KCNT1: variants seen among roughly 807,000 people sequenced by gnomAD.
KCNT1 encodes the protein potassium sodium-activated channel subfamily T member 1.
A neutral mutation model predicts 147.8 loss-of-function variants in KCNT1; 78 were observed. The observed-to-expected ratio is 0.53, with a 90% CI of 0.44 to 0.64. KCNT1 has a LOEUF of 0.64. KCNT1 is among the 30% of genes least tolerant of loss of function. The pLI, the probability that KCNT1 is intolerant of heterozygous loss-of-function variation, is 0.00. For synonymous variants in KCNT1, 867 were observed against 748.8 expected (o/e 1.16, Z -2.58); for missense variants, 1,419 against 1,750.3 (o/e 0.81, Z 3.38).
rs1397914215 is a variant in KCNT1, at chr9:135,778,753, G to C, written c.2660G>C (p.Ser887Thr). The change falls in exon 23 of 31, where the codon AGC (serine) becomes ACC (threonine). Residue 887 changes from serine (S) to threonine (T), a missense_variant. Physicochemically the swap from Ser to Thr is moderately conservative, Grantham distance 58. Transcript: ENST00000371757. ...ADNLVVVDKE[S>T]TMSAEEDYMA... ...AACCTGGTGGTGGTGGACAAGGAGA[G>C]CACCATGAGCGCCGAGGAGGACTAC... is the stretch of plus-strand genomic sequence containing the variant. The C allele has an allele frequency of 6.2e-7, 1 of 1,613,792 alleles. No individual in the cohort carries two copies. Among genetic ancestry groups the C allele is most frequent in the East Asian group, 2.2e-5 (1 of 44,882 alleles).
chr9:135,776,455 T>C (rs1833178157), intron 20 of KCNT1, among the ~76,000 whole-genome samples: 1 of 152,202 alleles, frequency 6.6e-6, no homozygotes, highest in African/African-American at 2.4e-5. Context: ...TTTGTAGTGA[T>C]GGGGTCTCAC....
In KCNT1 at chr9:135,779,347, T is replaced by C; in HGVS notation, c.2730-12T>C. 6.3e-7 allele frequency: 1 copy of C among 1,586,402 alleles called. No individual in the cohort carries two copies. The highest frequency in any genetic ancestry group is 1.1e-5 in the South Asian group (1 of 90,450). ...ACCATGGGCCCCGCCCTGAGCCGCC[T>C]GCCTCCCCCAGGCTCTTCCCCAGCC... On this transcript the variant is annotated splice_polypyrimidine_tract_variant and intron_variant, in intron 23 of 30. Coordinates refer to ENST00000371757, the MANE Select transcript of KCNT1 (RefSeq NM_020822.3).
intron 2 of KCNT1, among the ~76,000 whole-genome samples, chr9:135,717,784 TG>T (rs1320228221): frequency 2.0e-5 from 3 of 152,208 alleles, no homozygotes; most frequent in Non-Finnish European, 4.4e-5. Context: ...AGCAGCAGCC[TG>T]GGGGCCTCTC....
At chr9:135,784,961 C>A (rs542075506) in intron 27 of KCNT1, 72 bp downstream of exon 27, 23 of 1,553,052 alleles carry the variant, frequency 1.5e-5, no homozygotes, top group South Asian at 7.2e-5. Flanking sequence ...CCCCACCTTC[C>A]GGGGGCTGGG....
chr9:135,748,208 A>G (rs1051259288), intron 2 of KCNT1, among the ~76,000 whole-genome samples: 2 of 152,006 alleles, frequency 1.3e-5, no homozygotes, highest in South Asian at 4.1e-4. Context: ...TCCTGGGATT[A>G]TGGGCACGAG....
At chr9:135,721,074 G>A (rs1230365304) in intron 2 of KCNT1, among the ~76,000 whole-genome samples, 4 of 152,232 alleles carry the variant, frequency 2.6e-5, no homozygotes, top group Non-Finnish European at 4.4e-5. Context: ...ACCATGCAGG[G>A]TGAGGGCTGG....
chr9:135,779,327 G>T lies in KCNT1; in HGVS notation c.2730-32G>T. ...CCCTGAGACCTCCTACAACCACCAT[G>T]GGCCCCGCCCTGAGCCGCCTGCCTC... On this transcript the variant is annotated intron_variant, in intron 23 of 30. Coordinates refer to ENST00000371757, the MANE Select transcript of KCNT1 (RefSeq NM_020822.3). The T allele has an allele frequency of 2.8e-6, 4 of 1,416,466 alleles. No individual in the cohort carries two copies. The South Asian group carries it at 4.6e-5, about 16-fold the overall frequency. The allele number at this position is 1,416,466 out of a possible 1,614,324, so 87.7% of individuals were successfully genotyped here.
intron 20 of KCNT1, among the ~76,000 whole-genome samples, chr9:135,776,646 CAT>C (rs1491567202): frequency 2.6e-5 from 4 of 152,204 alleles, no homozygotes; most frequent in Admixed American, 6.5e-5. Flanking sequence ...TCCCCTTCCC[CAT>C]GTGTGTGTGT....
At chr9:135,753,077 G>GATGAGTGAATGGATGGAGGA (rs1564347475) in intron 4 of KCNT1, among the ~76,000 whole-genome samples, 1 of 145,640 alleles carries the variant, frequency 6.9e-6, no homozygotes, top group African/African-American at 2.6e-5. Context: ...GGGATGGATG[G>GATGAGTGAATGGATGGAGGA]ATGAGTGGAT....
At chr9:135,741,735 C>T (rs969176808) in intron 2 of KCNT1, among the ~76,000 whole-genome samples, 4 of 152,282 alleles carry the variant, frequency 2.6e-5, no homozygotes, top group Non-Finnish European at 2.9e-5. Context: ...CCTGTGACCC[C>T]AGGCTGGCTT....
chr9:135,748,166 T>TCAAGCGATCCTCCCACCTCTGCCTCC (rs1830946328), intron 2 of KCNT1, among the ~76,000 whole-genome samples: 1 of 152,134 alleles, frequency 6.6e-6, no homozygotes, highest in African/African-American at 2.4e-5. Flanking sequence ...ACTCCCGGCC[T>TCAAGCGATCCTCCCACCTCTGCCTCC]CAAGCGATCC....
intron 1 of KCNT1, among the ~76,000 whole-genome samples, chr9:135,711,634 C>T (rs752635155): frequency 4.6e-5 from 7 of 152,236 alleles, no homozygotes; most frequent in Non-Finnish European, 7.3e-5. Context: ...CACGTGACTA[C>T]GTGTGCACCA....
chr9:135,780,620 G>A (rs912167790), intron 24 of KCNT1, among the ~76,000 whole-genome samples: 1 of 152,224 alleles, frequency 6.6e-6, no homozygotes, highest in African/African-American at 2.4e-5. Flanking sequence ...GTAGGGGGAT[G>A]CTCGGGCACC....
At chr9:135,773,769 A>G (rs895635913) in intron 19 of KCNT1, among the ~76,000 whole-genome samples, 2 of 151,884 alleles carry the variant, frequency 1.3e-5, no homozygotes, top group African/African-American at 4.9e-5. Context: ...ACAGCCCTGA[A>G]CCATTGCATG....
At position 135,752,279 on chromosome 9, in the gene KCNT1, C is replaced by T; in HGVS notation, c.434+1238C>T. On this transcript the variant is annotated intron_variant, in intron 4 of 30. Transcript: ENST00000371757. This position sits in a 1 kb window ranked among gnomAD's most constrained non-coding sequence, Gnocchi z 5.1. ...AAAGGCGTCCATGTAAACTTTTGCT[C>T]AATCCCCCTTTTCACCTGTTACCCC... 1 of 444,520 alleles carries T rather than the reference C, an allele frequency of 2.2e-6. No homozygotes were observed. The highest frequency in any genetic ancestry group is 7.0e-5 in the East Asian group (1 of 14,302). The allele number at this position is 444,520 out of a possible 1,614,324, so 27.5% of individuals were successfully genotyped here.
chr9:135,791,500 G>A, intron 29 of KCNT1: 1 of 427,980 alleles, frequency 2.3e-6, no homozygotes, highest in South Asian at 2.5e-5. Flanking sequence ...GGTGTGCTCA[G>A]TGCCTCTGCT....
intron 28 of KCNT1, 96 bp downstream of exon 28, chr9:135,785,426 C>T (rs749859125): frequency 7.1e-7 from 1 of 1,399,356 alleles, no homozygotes; most frequent in South Asian, 1.2e-5. Flanking sequence ...CACCCACCCA[C>T]CCACAGGGCC....
chr9:135,779,262 C>T (rs1489904263), intron 23 of KCNT1, 97 bp from the exon 24 acceptor site: 24 of 743,856 alleles, frequency 3.2e-5, no homozygotes, highest in South Asian at 1.1e-4. Context: ...CATGGGACCC[C>T]GCCCTGAGAC....
At position 135,758,442 on chromosome 9, in the gene KCNT1, C is replaced by T. The variant is rs1408290051; in HGVS notation, c.788C>T (p.Thr263Ile). Residue 263 changes from threonine (T) to isoleucine (I), a missense_variant, in exon 10 of 31, where the codon ACA becomes ATA. Physicochemically the swap from Thr to Ile is moderately conservative, Grantham distance 89 (BLOSUM62 -1). This residue lies in a region of KCNT1 where 401 missense variants were observed against 610.6 expected (regional missense o/e 0.66). Coordinates refer to ENST00000371757, the MANE Select transcript of KCNT1 (RefSeq NM_020822.3). ...INDFHRAILRTQSAMFNQVLI... is the reference protein window; with the variant it reads ...INDFHRAILRIQSAMFNQVLI... The stretch of plus-strand genomic sequence containing the variant: ...GACTTCCACCGTGCCATCCTGCGGA[C>T]ACAGTCAGCCATGTTCAACCAGGTC... 2 of 1,613,446 alleles carry T rather than the reference C, an allele frequency of 1.2e-6. No homozygotes were observed. The highest frequency in any genetic ancestry group is 8.5e-7 in the Non-Finnish European group (1 of 1,179,962).
Sources: gnomAD v4.1 joint callset for allele counts (sites outside exome capture counted in the v4.1 genomes callset) on GRCh38, gnomAD v4.1.1 for gene constraint, gnomAD v4.1.1 regional missense constraint, Gnocchi (gnomAD v3.1) non-coding constraint, MANE v1.5 for transcripts, NCBI Gene and HGNC (gene_info 2026-07-23, HGNC 2026-07-21) for gene names.